SLC17A6: variants seen among roughly 807,000 people sequenced by gnomAD.
The protein encoded by SLC17A6 is vesicular glutamate transporter 2.
Under a neutral mutation model 67.1 loss-of-function variants are expected in SLC17A6, and 35 were observed. The observed-to-expected ratio is 0.52, with a 90% confidence interval of 0.40 to 0.69. The LOEUF (loss-of-function observed/expected upper bound fraction) is 0.69, where lower values mean the gene tolerates loss of function less well. Ranked by LOEUF, SLC17A6 falls within the 30% of genes least tolerant of loss-of-function variation. SLC17A6 has a pLI of 0.00. For missense variants in SLC17A6, 588 were observed against 723.9 expected (o/e 0.81, Z 2.15); for synonymous variants, 285 against 252.3 (o/e 1.13, Z -1.23).
chr11:22,354,295 G>T (rs564236998), intron 3 of SLC17A6, among the ~76,000 whole-genome samples: 1 of 152,154 alleles, frequency 6.6e-6, no homozygotes, highest in Admixed American at 6.5e-5. Context: ...TGTTGGTCGG[G>T]CTGGTCTTGA....
rs267602824 is a variant in SLC17A6, at chr11:22,341,735, G to A, written c.294G>A (p.Met98Ile). The change falls in exon 2 of 12, where the codon ATG becomes ATA. Residue 98 changes from methionine to isoleucine, a missense_variant. Met to Ile is a conservative substitution (Grantham distance 10). Transcript: ENST00000263160. ...RCNLGVAIVD[M>I]VNNSTIHRGG... ...ACCTGGGCGTGGCCATTGTGGACAT[G>A]GTCAACAACAGCACCATCCACCGCG... The A allele has an allele frequency of 1.2e-6, 2 of 1,614,218 alleles. No individual in the cohort carries two copies. Among genetic ancestry groups the A allele is most frequent in the South Asian group, 1.1e-5 (1 of 91,088 alleles).
chr11:22,377,315 G>T, intron 11 of SLC17A6, 90 bp from the exon 12 acceptor site: 1 of 1,213,030 alleles, frequency 8.2e-7, no homozygotes, highest in Non-Finnish European at 1.2e-6. Context: ...AGTGTTTTAT[G>T]AAAACTCAGT....
At position 22,362,796 on chromosome 11, in the gene SLC17A6, C is replaced by G. The variant is rs1856067510; in HGVS notation, c.719C>G (p.Thr240Ser). 1 of 1,613,716 alleles carries G rather than the reference C, an allele frequency of 6.2e-7. No homozygotes were observed. The highest frequency in any genetic ancestry group is 8.5e-7 in the Non-Finnish European group (1 of 1,179,742). Residue 240 changes from threonine to serine, a missense_variant, in exon 6 of 12, where the codon ACT (threonine) becomes AGT (serine). Coordinates refer to ENST00000263160, the MANE Select transcript of SLC17A6 (RefSeq NM_020346.3). The stretch of plus-strand genomic sequence containing the variant: ...TTAGCTGGCATTCTTGTGCAGTACA[C>G]TGGCTGGTCTTCAGTGTTTTATGTC... Reference protein sequence around the residue: ...MPLAGILVQYTGWSSVFYVYG... With the variant: ...MPLAGILVQYSGWSSVFYVYG...
chr11:22,353,976 A>G (rs1855970692), intron 3 of SLC17A6, among the ~76,000 whole-genome samples: 2 of 152,202 alleles, frequency 1.3e-5, no homozygotes, highest in Non-Finnish European at 2.9e-5. Flanking sequence ...AAACACATCT[A>G]CTGACTCAGA....
chr11:22,338,735 T>C (rs1020773230), intron 1 of SLC17A6, 116 bp downstream of exon 1: 93 of 748,478 alleles, frequency 1.2e-4, no homozygotes, highest in Non-Finnish European at 8.6e-5. Flanking sequence ...AGTCTTTTTG[T>C]TGCCCATTGC....
intron 3 of SLC17A6, among the ~76,000 whole-genome samples, chr11:22,350,264 C>T (rs901362986): frequency 2.6e-5 from 4 of 152,070 alleles, no homozygotes; most frequent in Admixed American, 6.6e-5. Flanking sequence ...TTGGCAATCT[C>T]TATAGTGGTA....
In SLC17A6 at chr11:22,377,740, A is replaced by G. The variant is rs577056106; in HGVS notation, c.1749A>G (p.Ter583=). ...ATAAGGACCGAGTTGATTATTCATAACAAAACTAATTACTGGATTTATTTT... is the reference window on the plus strand; with the variant it reads ...ATAAGGACCGAGTTGATTATTCATAGCAAAACTAATTACTGGATTTATTTT... The part of the protein sequence containing the change: ...HSYKDRVDYS[*] The change falls in exon 12 of 12, where the codon TAA becomes TAG. Residue 583 remains the stop codon, a stop_retained_variant. Coordinates refer to ENST00000263160, the MANE Select transcript of SLC17A6 (RefSeq NM_020346.3). The G allele has an allele frequency of 7.8e-6, 12 of 1,545,176 alleles. No individual in the cohort carries two copies. The African/African-American group carries it at 1.4e-4, about 18-fold the overall frequency.
chr11:22,350,407 A>G (rs1855925040), intron 3 of SLC17A6, among the ~76,000 whole-genome samples: 1 of 152,184 alleles, frequency 6.6e-6, no homozygotes, highest in Admixed American at 6.6e-5. Context: ...CTTTAACCTG[A>G]TAATAATCAG....
intron 6 of SLC17A6, among the ~76,000 whole-genome samples, chr11:22,364,790 A>G (rs569051195): frequency 1.3e-5 from 2 of 152,308 alleles, no homozygotes; most frequent in South Asian, 2.1e-4. Flanking sequence ...ATTAATGCTT[A>G]CAGATTTATA....
intron 3 of SLC17A6, among the ~76,000 whole-genome samples, chr11:22,357,059 G>T (rs1156549193): frequency 6.6e-6 from 1 of 152,028 alleles, no homozygotes; most frequent in Non-Finnish European, 1.5e-5. Context: ...TGCATAATCA[G>T]GTATAAATCC....
At chr11:22,360,074 A>G (rs1401344881) in intron 4 of SLC17A6, among the ~76,000 whole-genome samples, 1 of 151,640 alleles carries the variant, frequency 6.6e-6, no homozygotes. Context: ...ATGGAGTATA[A>G]TGGAAATAGA....
chr11:22,365,572 G>A lies in SLC17A6; in HGVS notation c.774G>A (p.Met258Ile), dbSNP rs2133872751. 1 of 1,613,970 alleles carries A rather than the reference G, an allele frequency of 6.2e-7. No individual in the cohort carries two copies. Among genetic ancestry groups the A allele is most frequent in the Non-Finnish European group, 8.5e-7 (1 of 1,179,896 alleles). The stretch of plus-strand genomic sequence containing the variant: ...GAAGCTTTGGAATGGTCTGGTACAT[G>A]TTTTGGCTTTTGGTGTCTTATGAAA... Reference protein sequence around the residue: ...VYGSFGMVWYMFWLLVSYESP... With the variant: ...VYGSFGMVWYIFWLLVSYESP... Residue 258 changes from methionine (M) to isoleucine (I), a missense_variant, in exon 7 of 12, where the codon ATG becomes ATA. Physicochemically the swap from Met to Ile is conservative, Grantham distance 10. Around this residue, in one of 4 missense-constraint regions of SLC17A6, gnomAD observed 414 missense variants for 563.4 expected, o/e 0.73. Transcript: ENST00000263160.
chr11:22,351,799 G>A (rs761938826), intron 3 of SLC17A6, among the ~76,000 whole-genome samples: 8 of 152,042 alleles, frequency 5.3e-5, no homozygotes, highest in Admixed American at 1.3e-4. Context: ...ACTTTAAAAC[G>A]TTTTAATGAT....
intron 5 of SLC17A6, among the ~76,000 whole-genome samples, chr11:22,361,467 A>G (rs1856052347): frequency 6.6e-6 from 1 of 152,126 alleles, no homozygotes; most frequent in Admixed American, 6.6e-5. Context: ...TAATACAGCT[A>G]TATGTTTGAA....
chr11:22,343,350 G>T lies in SLC17A6; in HGVS notation c.443G>T (p.Arg148Leu), dbSNP rs138598101. 14 of 1,610,938 alleles carry T rather than the reference G, an allele frequency of 8.7e-6. No homozygotes were observed. The African/African-American group carries it at 1.9e-4, about 22-fold the overall frequency. ...ATTCCGGGAGGCTACATCGCGTCTC[G>T]GCTGGCAGCCAACAGGTAATGCGCC... is the stretch of plus-strand genomic sequence containing the variant. ...TQIPGGYIAS[R>L]LAANRVFGAA... Residue 148 changes from arginine (R) to leucine (L), a missense_variant, in exon 3 of 12, where the codon CGG (arginine) becomes CTG (leucine). Coordinates refer to ENST00000263160, the MANE Select transcript of SLC17A6 (RefSeq NM_020346.3).
At chr11:22,377,363 A>T (rs777976550) in intron 11 of SLC17A6, 42 bp from the exon 12 acceptor site, 2 of 1,522,972 alleles carry the variant, frequency 1.3e-6, no homozygotes, top group African/African-American at 1.4e-5. Flanking sequence ...CGTTTAAATC[A>T]TGGGGAGTCA....
At chr11:22,375,005 A>G in intron 9 of SLC17A6, 118 bp downstream of exon 9, 1 of 1,021,186 alleles carries the variant, frequency 9.8e-7, no homozygotes. Flanking sequence ...TTGTGCCTTC[A>G]TTATTCACTT....
chr11:22,340,285 C>T (rs1425821962), intron 1 of SLC17A6, among the ~76,000 whole-genome samples: 1 of 152,108 alleles, frequency 6.6e-6, no homozygotes, highest in Non-Finnish European at 1.5e-5. Context: ...GTTTAAATAT[C>T]GAAAGTATCA....
chr11:22,367,110 G>A (rs1856122017), intron 7 of SLC17A6, among the ~76,000 whole-genome samples: 1 of 150,546 alleles, frequency 6.6e-6, no homozygotes, highest in African/African-American at 2.4e-5. Context: ...CTTATGCTAA[G>A]AGCTGAAAGG....
Sources: allele counts gnomAD v4.1 joint callset (sites outside exome capture counted in the v4.1 genomes callset), GRCh38; gene constraint gnomAD v4.1.1; regional missense constraint gnomAD v4.1.1; transcripts MANE v1.5; gene names NCBI Gene and HGNC (gene_info 2026-07-23, HGNC 2026-07-21).